UGCG: variants seen among roughly 807,000 people sequenced by gnomAD.
UGCG encodes ceramide glucosyltransferase.
Under a neutral mutation model 49.5 loss-of-function variants are expected in UGCG, and 10 were observed. The observed-to-expected ratio is 0.20, with a 90% CI of 0.12 to 0.34. The LOEUF (loss-of-function observed/expected upper bound fraction) is 0.34. UGCG is among the 10% of genes least tolerant of loss of function. The pLI, the probability that UGCG is intolerant of heterozygous loss-of-function variation, is 1.00. For synonymous variants in UGCG, 182 were observed against 158.2 expected, an observed-to-expected ratio of 1.15 and a Z score of -1.13; for missense variants, 312 against 483.7, an observed-to-expected ratio of 0.65 and a Z score of 3.33.
chr9:111,912,696 G>A (rs1267953001), intron 1 of UGCG, among the ~76,000 whole-genome samples: 1 of 152,098 alleles, frequency 6.6e-6, no homozygotes, highest in Non-Finnish European at 1.5e-5. Context: ...TGCTATACAA[G>A]TTTCTAAAAG....
At chr9:111,914,817 A>G in intron 2 of UGCG, 71 bp downstream of exon 2, 2 of 1,586,984 alleles carry the variant, frequency 1.3e-6, no homozygotes, top group Non-Finnish European at 1.7e-6. Context: ...ACATTTAGGG[A>G]TTTTAACACT....
At position 111,931,302 on chromosome 9, in the gene UGCG, G is replaced by C; in HGVS notation, c.769G>C (p.Ala257Pro). 6.2e-7 allele frequency: 1 copy of C among 1,613,810 alleles called. No homozygotes were observed. Among genetic ancestry groups the C allele is most frequent in the Non-Finnish European group, 8.5e-7 (1 of 1,179,968 alleles). The change falls in exon 7 of 9, where the codon GCA becomes CCA. Residue 257 changes from alanine to proline, a missense_variant. By Grantham distance (27) the Ala-to-Pro change is conservative. This residue lies in a region of UGCG where 180 missense variants were observed against 320.4 expected (regional missense o/e 0.56). Coordinates refer to ENST00000374279, the MANE Select transcript of UGCG (RefSeq NM_003358.3). The part of the protein sequence containing the change: ...GWRFAMSTQV[A>P]MQNSGSYSIS... The stretch of plus-strand genomic sequence containing the variant: ...GAGGTTTGCAATGTCCACTCAAGTT[G>C]CAATGCAAAACTCTGGCTCATATTC...
chr9:111,899,605 A>T (rs537258334), intron 1 of UGCG, among the ~76,000 whole-genome samples: 78 of 152,224 alleles, frequency 5.1e-4, no homozygotes, highest in African/African-American at 1.8e-3. Flanking sequence ...GTGTGTGTGC[A>T]TGTGTGTTTT....
At chr9:111,928,826 C>G (rs1292749617) in intron 5 of UGCG, among the ~76,000 whole-genome samples, 1 of 152,002 alleles carries the variant, frequency 6.6e-6, no homozygotes, top group Non-Finnish European at 1.5e-5. Context: ...TAATAACAGT[C>G]CTTTTCTACC....
intron 2 of UGCG, among the ~76,000 whole-genome samples, chr9:111,915,353 T>C (rs188059765): frequency 6.6e-6 from 1 of 152,350 alleles, no homozygotes; most frequent in Non-Finnish European, 1.5e-5. Flanking sequence ...GAGATGAAAG[T>C]ATTCTTTTTA....
intron 1 of UGCG, among the ~76,000 whole-genome samples, chr9:111,913,763 A>AAT (rs1431307231): frequency 6.6e-6 from 1 of 151,994 alleles, no homozygotes; most frequent in Admixed American, 6.6e-5. Flanking sequence ...TTTCATTAGG[A>AAT]GCCCTGCTGT....
At chr9:111,909,546 C>A (rs1837956271) in intron 1 of UGCG, among the ~76,000 whole-genome samples, 1 of 152,150 alleles carries the variant, frequency 6.6e-6, no homozygotes, top group Admixed American at 6.5e-5. Context: ...AACCCAACTT[C>A]CCCATTAAGC....
intron 1 of UGCG, among the ~76,000 whole-genome samples, chr9:111,913,232 T>A (rs1010575380): frequency 1.3e-5 from 2 of 152,258 alleles, no homozygotes; most frequent in African/African-American, 4.8e-5. Context: ...TTAGAATATC[T>A]TGCAGATGGA....
At chr9:111,898,787 A>G (rs191690577) in intron 1 of UGCG, among the ~76,000 whole-genome samples, 259 of 152,240 alleles carry the variant, frequency 1.7e-3, no homozygotes, top group African/African-American at 6.0e-3. Flanking sequence ...TATCCTTCCA[A>G]TCTGTGTGTG....
chr9:111,918,961 AC>A (rs201005155), intron 2 of UGCG, among the ~76,000 whole-genome samples: 3 of 151,444 alleles, frequency 2.0e-5, no homozygotes, highest in South Asian at 2.1e-4. Context: ...ACAAAAAAAA[AC>A]ACTTCAAACC....
At chr9:111,917,215 A>C (rs1484980245) in intron 2 of UGCG, among the ~76,000 whole-genome samples, 1 of 152,218 alleles carries the variant, frequency 6.6e-6, no homozygotes, top group East Asian at 1.9e-4. Context: ...TTATAAACTT[A>C]TATTTAGCTG....
At chr9:111,923,778 G>A (rs976595694) in intron 3 of UGCG, among the ~76,000 whole-genome samples, 15 of 152,148 alleles carry the variant, frequency 9.9e-5, no homozygotes, top group East Asian at 7.7e-4. Flanking sequence ...GATCACAGGC[G>A]TGCATCACCA....
chr9:111,911,926 ATATATAT>A (rs1339977474), intron 1 of UGCG, among the ~76,000 whole-genome samples: 1 of 22,844 alleles, frequency 4.4e-5, no homozygotes, highest in Non-Finnish European at 7.3e-5. Context: ...ATATATATAT[ATATATAT>A]ATATATATAT....
rs764987669 is a variant in UGCG, at chr9:111,922,896, T to C, written c.288T>C (p.Asp96=). The change falls in exon 3 of 9, where the codon GAT becomes GAC. Residue 96 remains aspartate (D), a synonymous_variant. Transcript: ENST00000374279. The part of the protein sequence containing the change: ...CVQDHDDPAI[D]VCKKLLGKYP... ...AAGATCATGATGATCCAGCCATTGA[T>C]GTATGTAAGAAGCTTCTTGGAAAAT... 8.1e-6 allele frequency: 13 copies of C among 1,613,200 alleles called. No individual in the cohort carries two copies. The South Asian group carries it at 1.2e-4, about 15-fold the overall frequency.
chr9:111,917,563 G>T (rs776019539), intron 2 of UGCG, among the ~76,000 whole-genome samples: 5 of 152,122 alleles, frequency 3.3e-5, no homozygotes, highest in Non-Finnish European at 7.4e-5. Context: ...TCTAATATTC[G>T]ATTGGGACTA....
chr9:111,918,043 A>AT (rs891285610), intron 2 of UGCG, among the ~76,000 whole-genome samples: 30 of 149,236 alleles, frequency 2.0e-4, no homozygotes, highest in East Asian at 1.6e-3. Flanking sequence ...TATAGAATTG[A>AT]TTTTTTTTTT....
Position 111,896,870 on chromosome 9 carries a change from A to C in UGCG, c.-346A>C, listed in dbSNP as rs1054342017. 1 of 154,280 alleles carries C rather than the reference A, an allele frequency of 6.5e-6. No homozygotes were observed. The highest frequency in any genetic ancestry group is 1.4e-5 in the Non-Finnish European group (1 of 70,142). The allele number at this position is 154,280 out of a possible 1,614,324, so 9.6% of individuals were successfully genotyped here. ...GGCCGGGAGCCCGGCGGCGAGACGG[A>C]GAGGCGGCGGAGGTGCCCGCGCGCA... On this transcript the variant is annotated 5_prime_UTR_variant, in exon 1 of 9. Transcript: ENST00000374279.
In UGCG at chr9:111,929,541, C is replaced by T; in HGVS notation, c.600C>T (p.Ala200=). The change falls in exon 6 of 9, where the codon GCC becomes GCT. Residue 200 remains alanine (A), a synonymous_variant. Transcript: ENST00000374279. ...GTSHPRYYIS[A]NVTGFKCVTG... ...CACATCCAAGATACTATATCTCTGC[C>T]AATGTAACTGGTTTCAAATGTGTGA... 1 of 1,613,742 alleles carries T rather than the reference C, an allele frequency of 6.2e-7. No individual in the cohort carries two copies. The highest frequency in any genetic ancestry group is 8.5e-7 in the Non-Finnish European group (1 of 1,179,918).
In UGCG at chr9:111,934,771, T is replaced by C. The variant is rs1175525534; in HGVS notation, c.*1774T>C. The C allele has an allele frequency of 6.6e-6, 1 of 151,988 alleles. No individual in the cohort carries two copies. The highest frequency in any genetic ancestry group is 1.5e-5 in the Non-Finnish European group (1 of 68,010). The allele number at this position is 151,988 out of a possible 1,614,324, so 9.4% of individuals were successfully genotyped here. On this transcript the variant is annotated 3_prime_UTR_variant, in exon 9 of 9. Transcript: ENST00000374279. ...TGATGAATTTGTTTGAAGGGCATTTTCTTTATGAACAAAGGCTTGGATGCA... is the reference window on the plus strand; with the variant it reads ...TGATGAATTTGTTTGAAGGGCATTTCCTTTATGAACAAAGGCTTGGATGCA...
Sources: allele counts gnomAD v4.1 joint callset (sites outside exome capture counted in the v4.1 genomes callset), GRCh38; gene constraint gnomAD v4.1.1; regional missense constraint gnomAD v4.1.1; transcripts MANE v1.5; gene names NCBI Gene and HGNC (gene_info 2026-07-23, HGNC 2026-07-21).